The following DCAF6 variants were observed in gnomAD, a reference collection of about 807,000 sequenced individuals.
DCAF6 encodes DDB1- and CUL4-associated factor 6.
In DCAF6, 54 loss-of-function variants were observed where a neutral mutation model predicts 125.1. The ratio of observed to expected loss-of-function variants is 0.43; its 90% CI spans 0.35 to 0.54. The LOEUF is 0.54. Among genes scored for constraint, DCAF6 ranks in the 20% least tolerant of loss-of-function variants. The pLI is 0.01. For synonymous variants in DCAF6, 371 were observed against 390.4 expected, an observed-to-expected ratio of 0.95 and a Z score of 0.58; for missense variants, 934 against 1,161.7, an observed-to-expected ratio of 0.80 and a Z score of 2.85.
In DCAF6 at chr1:168,056,318, C is replaced by A. The variant is rs567961733; in HGVS notation, c.2300+5385C>A. On this transcript the variant is annotated intron_variant, in intron 17 of 21. Coordinates refer to ENST00000367840, the MANE Select transcript of DCAF6 (RefSeq NM_001198956.2). ...CAGTGCGTAGCGTACGGACGGCGCC[C>A]ACCCCCAGCTGCCAGGGCCTCGGCG... 6.5e-4 allele frequency: 1,040 copies of A among 1,603,990 alleles called. 22 individuals carry two copies. In the African/African-American group the frequency reaches 0.013, roughly 20 times the overall value.
chr1:168,063,562 C>T, intron 17 of DCAF6, 59 bp from the exon 18 acceptor site: 2 of 1,333,634 alleles, frequency 1.5e-6, no homozygotes, highest in South Asian at 1.6e-5. Context: ...ATAAGTTTCT[C>T]ATTATTCTTT....
intron 20 of DCAF6, among the ~76,000 whole-genome samples, chr1:168,067,019 C>A (rs1224350798): frequency 6.6e-6 from 1 of 152,062 alleles, no homozygotes; most frequent in Admixed American, 6.5e-5. Flanking sequence ...CTCTGGATTT[C>A]TTCTGGGATG....
chr1:167,972,365 TAGAG>T (rs1460934339), intron 3 of DCAF6, among the ~76,000 whole-genome samples: 6 of 152,192 alleles, frequency 3.9e-5, no homozygotes, highest in Non-Finnish European at 7.3e-5. Context: ...ATTAATAAAT[TAGAG>T]AGTGGTACAA....
chr1:168,055,440 G>A (rs16865519), intron 17 of DCAF6, among the ~76,000 whole-genome samples: 1 of 56,566 alleles, frequency 1.8e-5, no homozygotes, highest in Non-Finnish European at 2.9e-5. Context: ...GCAGTGTATC[G>A]CAAAATTAAG....
chr1:168,021,983 G>C (rs537874759), intron 11 of DCAF6, among the ~76,000 whole-genome samples: 7 of 152,148 alleles, frequency 4.6e-5, no homozygotes, highest in African/African-American at 1.7e-4. Context: ...TATTGGTTGG[G>C]GAGAGTTGCG....
At chr1:167,867,268 T>A in the DCAF6 span, among the ~76,000 whole-genome samples, 140 of 152,090 alleles carry the variant, frequency 9.2e-4, no homozygotes, top group Non-Finnish European at 1.8e-3. Context: ...CTCTGCAAAG[T>A]GACTCAGAAA....
the DCAF6 span, among the ~76,000 whole-genome samples, chr1:167,891,483 T>A: frequency 6.6e-6 from 1 of 151,324 alleles, no homozygotes; most frequent in East Asian, 2.0e-4. Context: ...GGTGAAACCC[T>A]GTCTCTACTA....
At chr1:167,864,163 A>G in the DCAF6 span, among the ~76,000 whole-genome samples, 1 of 152,132 alleles carries the variant, frequency 6.6e-6, no homozygotes, top group Non-Finnish European at 1.5e-5. Context: ...TTTAGTGTAA[A>G]CTGCAAAAGT....
At chr1:167,886,499 A>G in the DCAF6 span, among the ~76,000 whole-genome samples, 1 of 152,234 alleles carries the variant, frequency 6.6e-6, no homozygotes, top group Non-Finnish European at 1.5e-5. Flanking sequence ...AGCCATATGT[A>G]GAAAGCTGAA....
intron 3 of DCAF6, among the ~76,000 whole-genome samples, chr1:167,974,262 A>G (rs1677794703): frequency 6.6e-6 from 1 of 152,120 alleles, no homozygotes; most frequent in South Asian, 2.1e-4. Flanking sequence ...ATTTTAAAAC[A>G]CTACTAGGAG....
intron 12 of DCAF6, among the ~76,000 whole-genome samples, chr1:168,027,139 G>GCT (rs1366908408): frequency 6.6e-6 from 1 of 152,122 alleles, no homozygotes; most frequent in East Asian, 1.9e-4. Context: ...CTTTGACATT[G>GCT]TAGTTTGAGA....
intron 3 of DCAF6, among the ~76,000 whole-genome samples, chr1:167,970,076 C>T (rs936553448): frequency 6.6e-6 from 1 of 152,174 alleles, no homozygotes; most frequent in African/African-American, 2.4e-5. Flanking sequence ...TTGCGCCTAG[C>T]CCCCTTTTCT....
intron 7 of DCAF6, among the ~76,000 whole-genome samples, chr1:167,997,602 T>G (rs2103043377): frequency 6.6e-6 from 1 of 152,236 alleles, no homozygotes; most frequent in Middle Eastern, 3.4e-3. Context: ...AATTCACTGT[T>G]AAGTGTCACC....
chr1:167,888,399 G>A, the DCAF6 span, among the ~76,000 whole-genome samples: 1 of 151,982 alleles, frequency 6.6e-6, no homozygotes, highest in Non-Finnish European at 1.5e-5. Flanking sequence ...TATAAGCATG[G>A]AATATCTTTC....
At chr1:167,987,674 A>G (rs182386078) in intron 5 of DCAF6, 66 bp downstream of exon 5, 256 of 803,158 alleles carry the variant, frequency 3.2e-4, no homozygotes, top group Non-Finnish European at 4.5e-4. Flanking sequence ...ATTGGTTATA[A>G]TTAAAGTTAT....
intron 14 of DCAF6, 129 bp downstream of exon 14, chr1:168,043,269 T>A: frequency 1.4e-6 from 1 of 694,652 alleles, no homozygotes; most frequent in Non-Finnish European, 2.4e-6. Context: ...ATAGTCCAGC[T>A]GTTAAACTGA....
intron 21 of DCAF6, among the ~76,000 whole-genome samples, chr1:168,074,118 G>C (rs779136808): frequency 8.6e-5 from 13 of 151,804 alleles, no homozygotes; most frequent in Middle Eastern, 3.4e-3. Flanking sequence ...GTTTGACATT[G>C]GATTAGAGTT....
At chr1:167,987,438 C>A in intron 4 of DCAF6, 57 bp from the exon 5 acceptor site, 1 of 853,550 alleles carries the variant, frequency 1.2e-6, no homozygotes, top group Non-Finnish European at 1.9e-6. Context: ...GAATGTTTTT[C>A]AGAGCCGTCT....
rs112576185 is a variant in DCAF6 at position 168,053,016 on chromosome 1, A to G, written c.2300+2083A>G. On this transcript the variant is annotated intron_variant, in intron 17 of 21. Coordinates refer to ENST00000367840, the MANE Select transcript of DCAF6 (RefSeq NM_001198956.2). The stretch of plus-strand genomic sequence containing the variant: ...TGTCACTGAATACATTCAGAGGACT[A>G]TTGGAGTTCTCTGAATACATTATGC... 7.9e-3 allele frequency among the ~76,000 whole-genome samples: 1,208 copies of G among 152,298 alleles called. 13 individuals carry two copies. The highest frequency in any genetic ancestry group is 0.027 in the African/African-American group (1,137 of 41,578).
Sources: gnomAD v4.1 joint callset for allele counts (sites outside exome capture counted in the v4.1 genomes callset) on GRCh38, gnomAD v4.1.1 for gene constraint, MANE v1.5 for transcripts, NCBI Gene and HGNC (gene_info 2026-07-23, HGNC 2026-07-21) for gene names.